WDR86: variants seen among roughly 807,000 people sequenced by gnomAD.
WDR86 encodes WD repeat-containing protein 86.
WDR86 carries 30 observed loss-of-function variants against 36.5 expected under a neutral mutation model. The ratio of observed to expected loss-of-function variants is 0.82; its 90% CI spans 0.61 to 1.11. The LOEUF (loss-of-function observed/expected upper bound fraction) is 1.11. WDR86 is among the 50% of genes most tolerant of loss of function. The probability of loss-of-function intolerance (pLI) is 0.00; values close to 1 mark genes in which losing one functional copy is unlikely to be tolerated. For synonymous variants in WDR86, 255 were observed against 252.9 expected, an observed-to-expected ratio of 1.01 and a Z score of -0.08; for missense variants, 545 against 561.2, an observed-to-expected ratio of 0.97 and a Z score of 0.29.
downstream of WDR86, chr7:151,378,506 G>T (rs981125195): frequency 6.6e-6 from 1 of 152,258 alleles, no homozygotes; most frequent in Non-Finnish European, 1.5e-5. Flanking sequence ...GGTGTTGAAA[G>T]TGTCTGGGTG....
intron 3 of WDR86, among the ~76,000 whole-genome samples, chr7:151,391,014 T>C (rs1563051669): frequency 6.6e-6 from 1 of 152,110 alleles, no homozygotes; most frequent in Non-Finnish European, 1.5e-5. Context: ...ATGCTGAAAA[T>C]GGTTTAAAGG....
At chr7:151,395,675 CT>C in intron 3 of WDR86, 100 bp downstream of exon 3, 1 of 1,384,988 alleles carries the variant, frequency 7.2e-7, no homozygotes, top group South Asian at 1.5e-5. Flanking sequence ...ATCTGCAGCG[CT>C]TTGTTATGCA....
Position 151,402,070 on chromosome 7 carries a change from A to AAATATAT in WDR86, c.164-1830_164-1829insATATATT. Among the ~76,000 whole-genome samples the AAATATAT allele has an allele frequency of 6.7e-4, 34 of 50,538 alleles. No homozygotes were observed. In the East Asian group the frequency reaches 0.011, roughly 17 times the overall value. 33.2% of individuals were successfully genotyped at this position (50,538 alleles called of 152,430 possible). Reference sequence around the variant, plus strand: ...CTCAAAAAAAAAAAAAAAAAAAAAAAATATATATATATATATATATATCTC... The same window carrying AAATATAT: ...CTCAAAAAAAAAAAAAAAAAAAAAAAAATATATATATATATATATATATATATATCTC... On this transcript the variant is annotated intron_variant, in intron 1 of 5. Transcript: ENST00000334493.
chr7:151,382,693 A>C (rs1042901640), intron 4 of WDR86, among the ~76,000 whole-genome samples: 13 of 152,228 alleles, frequency 8.5e-5, no homozygotes, highest in Non-Finnish European at 1.8e-4. Flanking sequence ...GTGGACTAGA[A>C]GAACTCACTT....
chr7:151,402,570 G>A (rs1022462297), intron 1 of WDR86, among the ~76,000 whole-genome samples: 9 of 152,232 alleles, frequency 5.9e-5, no homozygotes, highest in African/African-American at 2.2e-4. Context: ...GGGTGACTCG[G>A]TGCCCGTAGG....
intron 1 of WDR86, chr7:151,408,555 C>T (rs773820624): frequency 8.8e-5 from 18 of 205,418 alleles, no homozygotes; most frequent in Non-Finnish European, 1.4e-4. Flanking sequence ...GGCTAATATC[C>T]TACCTAAGTT....
chr7:151,377,346 G>A (rs1798349433), downstream of WDR86: 3 of 661,104 alleles, frequency 4.5e-6, no homozygotes, highest in Non-Finnish European at 7.3e-6. Context: ...GGTGTAGGAG[G>A]GGGTGGGCAG....
chr7:151,389,118 CTTTT>C (rs34882878), intron 3 of WDR86, among the ~76,000 whole-genome samples: 2 of 125,558 alleles, frequency 1.6e-5, no homozygotes, highest in African/African-American at 3.1e-5. Flanking sequence ...CTTTTCTTTC[CTTTT>C]TTTTTTTTTT....
chr7:151,409,317 A>G lies in WDR86; in HGVS notation c.163+110T>C. On this transcript the variant is annotated intron_variant, in intron 1 of 5. Transcript: ENST00000334493. This position sits in a 1 kb window ranked among gnomAD's most constrained non-coding sequence, Gnocchi z 5.2. ...GCTCTTCCGCTAGTGTGCCGGGATGAGCGGGGGCTGGACTTCTAGAAAGGG... is the reference window on the plus strand; with the variant it reads ...GCTCTTCCGCTAGTGTGCCGGGATGGGCGGGGGCTGGACTTCTAGAAAGGG... The G allele has an allele frequency of 1.4e-6, 2 of 1,478,250 alleles. No individual in the cohort carries two copies. Among genetic ancestry groups the G allele is most frequent in the African/African-American group, 1.4e-5 (1 of 71,742 alleles). The allele number at this position is 1,478,250 out of a possible 1,614,324, so 91.6% of individuals were successfully genotyped here.
chr7:151,379,494 A>G (rs1798455669), downstream of WDR86, among the ~76,000 whole-genome samples: 1 of 152,120 alleles, frequency 6.6e-6, no homozygotes, highest in Admixed American at 6.5e-5. Context: ...ATTCATAGCA[A>G]GGCGACAGTG....
rs549630126 is a variant in WDR86 at position 151,388,831 on chromosome 7, A to G, written c.727-3608T>C. Among the ~76,000 whole-genome samples, 1 of 152,194 alleles carries G rather than the reference A, an allele frequency of 6.6e-6. No homozygotes were observed. The highest frequency in any genetic ancestry group is 6.5e-5 in the Admixed American group (1 of 15,286). ...ATGGTCTGAGTGTCGGAACCCCCCA[A>G]ATTCATGCTGGAACTTAACCCCCAC... On this transcript the variant is annotated intron_variant, in intron 3 of 5. Transcript: ENST00000334493. The surrounding 1 kb of genome is among the most constrained non-coding windows in gnomAD (Gnocchi z 4.2).
downstream of WDR86, chr7:151,374,557 C>A: frequency 4.8e-6 from 2 of 419,198 alleles, no homozygotes; most frequent in Non-Finnish European, 8.7e-6. Flanking sequence ...GCAGTTTCCA[C>A]GGCAGAAAAA....
intron 1 of WDR86, among the ~76,000 whole-genome samples, chr7:151,407,731 T>A (rs1000077011): frequency 3.3e-5 from 5 of 152,022 alleles, no homozygotes; most frequent in Admixed American, 2.0e-4. Flanking sequence ...ATCCCAGCTA[T>A]TCAGGAGGCC....
chr7:151,391,589 G>A (rs954212242), intron 3 of WDR86, among the ~76,000 whole-genome samples: 8 of 152,120 alleles, frequency 5.3e-5, no homozygotes, highest in African/African-American at 7.2e-5. Flanking sequence ...TCTGGGGCCC[G>A]ACAGTCCTTT....
downstream of WDR86, chr7:151,378,415 C>T (rs543818603): frequency 3.3e-5 from 5 of 152,260 alleles, no homozygotes; most frequent in South Asian, 2.1e-4. Flanking sequence ...CGGATGATAC[C>T]GATGGAAATA....
downstream of WDR86, chr7:151,376,654 T>G (rs760120083): frequency 6.2e-7 from 1 of 1,611,294 alleles, no homozygotes; most frequent in Non-Finnish European, 8.5e-7. Context: ...TGGGTTTTGA[T>G]GCACTCGTGG....
chr7:151,381,510 C>T lies in WDR86; in HGVS notation c.*72G>A. The T allele has an allele frequency of 1.4e-6, 2 of 1,447,964 alleles. No individual in the cohort carries two copies. Among genetic ancestry groups the T allele is most frequent in the African/African-American group, 1.5e-5 (1 of 66,858 alleles). 89.7% of individuals were successfully genotyped at this position (1,447,964 alleles called of 1,614,324 possible). On this transcript the variant is annotated 3_prime_UTR_variant, in exon 6 of 6. Coordinates refer to ENST00000334493, the MANE Select transcript of WDR86 (RefSeq NM_198285.3). The surrounding 1 kb of genome is among the most constrained non-coding windows in gnomAD (Gnocchi z 4.8). Reference sequence around the variant, plus strand: ...CTCGCCGGCCATCGGGCGCCACCACCGCGGGTAGCAGGGCGGGGCGCTCTG... The same window carrying T: ...CTCGCCGGCCATCGGGCGCCACCACTGCGGGTAGCAGGGCGGGGCGCTCTG...
At position 151,381,799 on chromosome 7, in the gene WDR86, C is replaced by G. The variant is rs1465670964; in HGVS notation, c.967-53G>C. 6.6e-7 allele frequency: 1 copy of G among 1,513,582 alleles called. No homozygotes were observed. Among genetic ancestry groups the G allele is most frequent in the African/African-American group, 1.4e-5 (1 of 71,922 alleles). The allele number at this position is 1,513,582 out of a possible 1,614,324, so 93.8% of individuals were successfully genotyped here. ...GTGACGCGGTAGGCGGGGGGGACACCGCTGCCCGCGTGGATGGATCGGGGC... is the reference window on the plus strand; with the variant it reads ...GTGACGCGGTAGGCGGGGGGGACACGGCTGCCCGCGTGGATGGATCGGGGC... On this transcript the variant is annotated intron_variant, in intron 5 of 5. Coordinates refer to ENST00000334493, the MANE Select transcript of WDR86 (RefSeq NM_198285.3). This position sits in a 1 kb window ranked among gnomAD's most constrained non-coding sequence, Gnocchi z 4.8.
rs1798580011 is a variant in WDR86 at position 151,381,674 on chromosome 7, C to T, written c.1039G>A (p.Gly347Ser). The T allele has an allele frequency of 2.1e-6, 3 of 1,427,128 alleles. No homozygotes were observed. The highest frequency in any genetic ancestry group is 2.5e-4 in the Middle Eastern group (1 of 4,004). The allele number at this position is 1,427,128 out of a possible 1,614,324, so 88.4% of individuals were successfully genotyped here. Residue 347 changes from glycine to serine, a missense_variant, in exon 6 of 6, where the codon GGT becomes AGT. Transcript: ENST00000334493. This position sits in a 1 kb window ranked among gnomAD's most constrained non-coding sequence, Gnocchi z 4.8. Reference sequence around the variant, plus strand: ...ATGGGCGGAGGGGGCCGCGGGGCACCTCGGAGCCCGCGCACGTCCCAGAGG... The same window carrying T: ...ATGGGCGGAGGGGGCCGCGGGGCACTTCGGAGCCCGCGCACGTCCCAGAGG... ...LRLWDVRGLR[G>S]APRPPPPMRS...
Sources: gnomAD v4.1 joint callset for allele counts (sites outside exome capture counted in the v4.1 genomes callset) on GRCh38, gnomAD v4.1.1 for gene constraint, Gnocchi (gnomAD v3.1) non-coding constraint, MANE v1.5 for transcripts, NCBI Gene and HGNC (gene_info 2026-07-23, HGNC 2026-07-21) for gene names.